Variants in ARHGAP10 observed in about 807,000 individuals in gnomAD.
ARHGAP10 encodes Rho GTPase activating protein 10, also known as rho GTPase-activating protein 10.
A neutral mutation model predicts 108.6 loss-of-function variants in ARHGAP10; 87 were observed. The observed-to-expected ratio is 0.80, with a 90% CI of 0.67 to 0.96. ARHGAP10 has a LOEUF of 0.96. Among genes scored for constraint, ARHGAP10 ranks in the 40% least tolerant of loss-of-function variants. The probability of loss-of-function intolerance (pLI) is 0.00; values close to 1 mark genes in which losing one functional copy is unlikely to be tolerated. For missense variants in ARHGAP10, 939 were observed against 954.5 expected (o/e 0.98, Z 0.21); for synonymous variants, 347 against 341.1 (o/e 1.02, Z -0.19).
chr4:147,964,296 C>T (rs1183284562), intron 16 of ARHGAP10, among the ~76,000 whole-genome samples: 7 of 152,188 alleles, frequency 4.6e-5, no homozygotes, highest in Admixed American at 4.6e-4. Flanking sequence ...TAATTTAAAC[C>T]AGCCGGTCCT....
intron 18 of ARHGAP10, among the ~76,000 whole-genome samples, chr4:147,992,729 T>C (rs1350103123): frequency 6.6e-6 from 1 of 152,140 alleles, no homozygotes; most frequent in Non-Finnish European, 1.5e-5. Context: ...AATAAAAAGG[T>C]TTAAAACAAT....
intron 1 of ARHGAP10, among the ~76,000 whole-genome samples, chr4:147,774,474 G>A (rs1259839748): frequency 6.6e-6 from 1 of 152,172 alleles, no homozygotes; most frequent in East Asian, 1.9e-4. Context: ...ATGTGTTTAG[G>A]ACAAGGGTTA....
intron 13 of ARHGAP10, among the ~76,000 whole-genome samples, chr4:147,921,052 T>C (rs534893634): frequency 6.6e-6 from 1 of 152,348 alleles, no homozygotes; most frequent in South Asian, 2.1e-4. Flanking sequence ...TTGGTAGTCA[T>C]GCATGGGATG....
chr4:148,025,284 T>A (rs1215215925), intron 19 of ARHGAP10, among the ~76,000 whole-genome samples: 1 of 152,210 alleles, frequency 6.6e-6, no homozygotes, highest in East Asian at 1.9e-4. Context: ...TTATGTTCAT[T>A]ATTTGCATGA....
chr4:147,783,986 A>G (rs939925014), intron 1 of ARHGAP10, among the ~76,000 whole-genome samples: 3 of 143,866 alleles, frequency 2.1e-5, no homozygotes, highest in Admixed American at 7.1e-5. Context: ...ACATTATTAT[A>G]TAATTTATAT....
At chr4:148,032,409 A>G (rs1398361645) in intron 19 of ARHGAP10, among the ~76,000 whole-genome samples, 1 of 131,566 alleles carries the variant, frequency 7.6e-6, no homozygotes, top group Non-Finnish European at 1.5e-5. Context: ...TGGTTTCTCA[A>G]ATCCTTCTAG....
At chr4:148,030,004 C>T (rs374620304) in intron 19 of ARHGAP10, among the ~76,000 whole-genome samples, 5 of 151,642 alleles carry the variant, frequency 3.3e-5, no homozygotes, top group African/African-American at 4.9e-5. Flanking sequence ...TCCCCCCCCC[C>T]ACCAACCCCA....
chr4:148,008,925 A>G (rs1741059819), intron 18 of ARHGAP10, among the ~76,000 whole-genome samples: 1 of 152,200 alleles, frequency 6.6e-6, no homozygotes, highest in South Asian at 2.1e-4. Flanking sequence ...AGATTTGCAA[A>G]ATGTGATAAA....
At chr4:147,829,010 C>G (rs1732836655) in intron 3 of ARHGAP10, among the ~76,000 whole-genome samples, 1 of 151,060 alleles carries the variant, frequency 6.6e-6, no homozygotes, top group Non-Finnish European at 1.5e-5. Flanking sequence ...TCCCCAGTAG[C>G]TGGGATTACA....
At chr4:148,015,013 C>A (rs1486015232) in intron 18 of ARHGAP10, among the ~76,000 whole-genome samples, 5 of 152,046 alleles carry the variant, frequency 3.3e-5, no homozygotes, top group Admixed American at 2.6e-4. Context: ...GGATGGGTGA[C>A]CACTGGCAGG....
intron 3 of ARHGAP10, among the ~76,000 whole-genome samples, chr4:147,839,988 A>G (rs889262352): frequency 6.6e-6 from 1 of 152,204 alleles, no homozygotes; most frequent in African/African-American, 2.4e-5. Flanking sequence ...ATGATTCTCA[A>G]AACTACAGCA....
At chr4:147,800,034 A>G (rs996436750) in intron 1 of ARHGAP10, among the ~76,000 whole-genome samples, 15 of 152,106 alleles carry the variant, frequency 9.9e-5, no homozygotes, top group Non-Finnish European at 1.9e-4. Context: ...GGTTCCAATG[A>G]CAGTTTAACT....
At chr4:147,810,195 G>A (rs982753582) in intron 1 of ARHGAP10, among the ~76,000 whole-genome samples, 1 of 152,106 alleles carries the variant, frequency 6.6e-6, no homozygotes, top group East Asian at 1.9e-4. Flanking sequence ...ATTTACCCTT[G>A]CTCCTGCAAA....
At chr4:147,856,434 T>A (rs1191673262) in intron 4 of ARHGAP10, among the ~76,000 whole-genome samples, 1 of 152,234 alleles carries the variant, frequency 6.6e-6, no homozygotes, top group African/African-American at 2.4e-5. Context: ...GCTATACAGG[T>A]CGATCATCCT....
intron 1 of ARHGAP10, among the ~76,000 whole-genome samples, chr4:147,788,004 A>C (rs1730962369): frequency 6.6e-6 from 1 of 152,148 alleles, no homozygotes; most frequent in African/African-American, 2.4e-5. Context: ...GGATGTGAGA[A>C]AACTTCGTGA....
At chr4:147,909,948 G>T (rs924888166) in intron 12 of ARHGAP10, among the ~76,000 whole-genome samples, 171 bp downstream of exon 12, 1 of 152,066 alleles carries the variant, frequency 6.6e-6, no homozygotes, top group African/African-American at 2.4e-5. Flanking sequence ...ACTCAACGGG[G>T]ACCTCCTCAA....
chr4:147,803,229 G>A (rs994096155), intron 1 of ARHGAP10, among the ~76,000 whole-genome samples: 2 of 152,046 alleles, frequency 1.3e-5, no homozygotes, highest in South Asian at 2.1e-4. Flanking sequence ...GGCTGGTCTC[G>A]AACTCCTGGC....
intron 16 of ARHGAP10, among the ~76,000 whole-genome samples, chr4:147,956,323 G>T (rs1460742230): frequency 6.6e-6 from 1 of 152,038 alleles, no homozygotes; most frequent in African/African-American, 2.4e-5. Context: ...TGCTTTAAAT[G>T]TTACCTTCTT....
At chr4:147,749,957 GT>G (rs1452275004) in intron 1 of ARHGAP10, among the ~76,000 whole-genome samples, 1 of 152,178 alleles carries the variant, frequency 6.6e-6, no homozygotes, top group African/African-American at 2.4e-5. Flanking sequence ...AGCGAACAGT[GT>G]TTTGTTTGCA....
Sources: allele counts gnomAD v4.1 joint callset (sites outside exome capture counted in the v4.1 genomes callset), GRCh38; gene constraint gnomAD v4.1.1; transcripts MANE v1.5; gene names NCBI Gene and HGNC (gene_info 2026-07-23, HGNC 2026-07-21).